Variants in FSTL5 observed in about 807,000 individuals in gnomAD.
FSTL5 encodes follistatin-related protein 5.
In FSTL5, 62 loss-of-function variants were observed where a neutral mutation model predicts 89.1. That is an observed-to-expected ratio of 0.70 (90% confidence interval 0.57 to 0.86). FSTL5 has a LOEUF of 0.86. Among genes scored for constraint, FSTL5 ranks in the 40% least tolerant of loss-of-function variants. FSTL5 has a pLI of 0.00. For synonymous variants in FSTL5, 383 were observed against 346.2 expected (o/e 1.11, Z -1.18); for missense variants, 1,057 against 1,001.6 (o/e 1.06, Z -0.75).
rs1438528551 is a variant in FSTL5, at chr4:161,705,964, A to G, written c.728-49470T>C. 6.5e-3 allele frequency among the ~76,000 whole-genome samples: 425 copies of G among 65,584 alleles called. 14 individuals carry two copies. The highest frequency in any genetic ancestry group is 0.024 in the African/African-American group (329 of 13,912). The allele number at this position is 65,584 out of a possible 152,430, so 43.0% of individuals were successfully genotyped here. ...TGTGTAGATGTGTGTATATATATAT[A>G]TATATATATATATATATATATATAT... On this transcript the variant is annotated intron_variant, in intron 6 of 15. Coordinates refer to ENST00000306100, the MANE Select transcript of FSTL5 (RefSeq NM_020116.5).
chr4:161,804,847 T>C (rs751008532), intron 4 of FSTL5, among the ~76,000 whole-genome samples: 4 of 152,020 alleles, frequency 2.6e-5, no homozygotes, highest in Non-Finnish European at 5.9e-5. Context: ...AGTTGGCCAA[T>C]AAGATCCTTA....
intron 15 of FSTL5, among the ~76,000 whole-genome samples, chr4:161,412,510 G>A (rs982170496): frequency 1.3e-5 from 2 of 151,988 alleles, no homozygotes; most frequent in African/African-American, 4.8e-5. Flanking sequence ...TGGGGTAGGG[G>A]GATAGGGGCG....
At chr4:161,453,462 A>C (rs1733242974) in intron 15 of FSTL5, among the ~76,000 whole-genome samples, 1 of 152,178 alleles carries the variant, frequency 6.6e-6, no homozygotes, top group Admixed American at 6.5e-5. Flanking sequence ...ACAGCATCTT[A>C]AGTGGTACCA....
chr4:161,837,519 G>C (rs924083917), intron 4 of FSTL5, among the ~76,000 whole-genome samples: 5 of 152,012 alleles, frequency 3.3e-5, no homozygotes, highest in Non-Finnish European at 7.4e-5. Flanking sequence ...TCACTAGTTT[G>C]AGGTGAAAAA....
At chr4:161,558,845 C>G (rs772867650) in intron 8 of FSTL5, among the ~76,000 whole-genome samples, 1 of 151,848 alleles carries the variant, frequency 6.6e-6, no homozygotes, top group Non-Finnish European at 1.5e-5. Context: ...TCATTAGTAA[C>G]TCTCCCAACC....
chr4:161,725,632 A>C (rs1739370985), intron 6 of FSTL5, among the ~76,000 whole-genome samples: 1 of 152,096 alleles, frequency 6.6e-6, no homozygotes, highest in Non-Finnish European at 1.5e-5. Context: ...TGCATCTGTA[A>C]AAAGACAAGT....
intron 4 of FSTL5, among the ~76,000 whole-genome samples, chr4:161,813,012 T>C (rs1326070171): frequency 6.7e-6 from 1 of 149,004 alleles, no homozygotes; most frequent in Non-Finnish European, 1.5e-5. Context: ...AATGGGAACA[T>C]GAGACTGTGA....
chr4:161,674,181 T>C (rs1353934207), intron 6 of FSTL5, among the ~76,000 whole-genome samples: 1 of 152,082 alleles, frequency 6.6e-6, no homozygotes, highest in Middle Eastern at 3.2e-3. Flanking sequence ...AGCACAGATA[T>C]ACAGATATAT....
At chr4:161,569,766 C>A (rs767773282) in intron 8 of FSTL5, among the ~76,000 whole-genome samples, 4 of 44,510 alleles carry the variant, frequency 9.0e-5, no homozygotes, top group Non-Finnish European at 1.7e-4. Flanking sequence ...CAAACACACA[C>A]ACACACACAC....
chr4:162,081,201 C>G lies in FSTL5; in HGVS notation c.126+30070G>C, dbSNP rs147738188. 1.9e-3 allele frequency among the ~76,000 whole-genome samples: 289 copies of G among 151,610 alleles called. 1 individual carries two copies. The highest frequency in any genetic ancestry group is 6.5e-3 in the African/African-American group (271 of 41,430). On this transcript the variant is annotated intron_variant, in intron 2 of 15. Transcript: ENST00000306100. ...AATACTAGCAATATGGGGATTTATA[C>G]AAAATCAGAGTTTTCCAGAGTCAGT...
intron 6 of FSTL5, among the ~76,000 whole-genome samples, chr4:161,741,651 CTG>C (rs1200290365): frequency 6.6e-6 from 1 of 150,632 alleles, no homozygotes; most frequent in African/African-American, 2.5e-5. Flanking sequence ...TTACAAAAGA[CTG>C]TGGTAAGTGA....
intron 8 of FSTL5, among the ~76,000 whole-genome samples, chr4:161,571,908 C>A (rs539583676): frequency 2.6e-5 from 4 of 152,254 alleles, no homozygotes; most frequent in South Asian, 2.1e-4. Context: ...TTCCTTCCCC[C>A]AAAAGGCTTC....
At chr4:161,746,224 G>T (rs773556940) in intron 6 of FSTL5, among the ~76,000 whole-genome samples, 3 of 151,876 alleles carry the variant, frequency 2.0e-5, no homozygotes, top group Non-Finnish European at 2.9e-5. Flanking sequence ...TTGTTGACAG[G>T]ATTATTACTA....
At position 161,681,048 on chromosome 4, in the gene FSTL5, G is replaced by A. The variant is rs79188267; in HGVS notation, c.728-24554C>T. On this transcript the variant is annotated intron_variant, in intron 6 of 15. Transcript: ENST00000306100. ...ATTGCAGAGTCAAAGCAAAAGTTCC[G>A]TTACATGAGCGAGTAGCTGTGGAAA... Among the ~76,000 whole-genome samples the A allele has an allele frequency of 5.9e-3, 905 of 152,120 alleles. 10 individuals are homozygous for A. Among genetic ancestry groups the A allele is most frequent in the South Asian group, 0.046 (221 of 4,828 alleles).
At chr4:161,695,570 G>T (rs1738125068) in intron 6 of FSTL5, among the ~76,000 whole-genome samples, 1 of 151,970 alleles carries the variant, frequency 6.6e-6, no homozygotes, top group South Asian at 2.1e-4. Context: ...AAATTGTGCT[G>T]CTATAAACAT....
intron 3 of FSTL5, among the ~76,000 whole-genome samples, chr4:162,028,038 C>T (rs934067782): frequency 1.3e-5 from 2 of 151,962 alleles, no homozygotes; most frequent in Non-Finnish European, 2.9e-5. Context: ...TACAAATCTA[C>T]CATAAATAAA....
intron 15 of FSTL5, among the ~76,000 whole-genome samples, chr4:161,445,994 T>A (rs1207395767): frequency 6.6e-6 from 1 of 152,086 alleles, no homozygotes; most frequent in African/African-American, 2.4e-5. Context: ...ATCTGAATAT[T>A]ATCTGTTTGA....
intron 15 of FSTL5, among the ~76,000 whole-genome samples, chr4:161,408,970 G>T (rs997185311): frequency 6.6e-6 from 1 of 152,154 alleles, no homozygotes. Flanking sequence ...ATAGGAGAAA[G>T]AATAAATAAC....
intron 5 of FSTL5, 122 bp from the exon 6 acceptor site, chr4:161,759,653 A>T: frequency 1.9e-6 from 1 of 533,058 alleles, no homozygotes. Context: ...CAAAAAACTC[A>T]ATTTTGGAAA....
Sources: allele counts gnomAD v4.1 joint callset (sites outside exome capture counted in the v4.1 genomes callset), GRCh38; gene constraint gnomAD v4.1.1; transcripts MANE v1.5; gene names NCBI Gene and HGNC (gene_info 2026-07-23, HGNC 2026-07-21).